Variants in ASXL3 observed in about 807,000 individuals in gnomAD.
ASXL3 encodes the protein putative Polycomb group protein ASXL3.
A neutral mutation model predicts 170.6 loss-of-function variants in ASXL3; 34 were observed. That is an observed-to-expected ratio of 0.20 (90% confidence interval 0.15 to 0.27). The LOEUF (loss-of-function observed/expected upper bound fraction) is 0.27, where lower values mean the gene tolerates loss of function less well. Among genes scored for constraint, ASXL3 ranks in the 10% least tolerant of loss-of-function variants. The probability of loss-of-function intolerance (pLI) is 1.00; values close to 1 mark genes in which losing one functional copy is unlikely to be tolerated. For synonymous variants in ASXL3, 1,002 were observed against 989.1 expected (o/e 1.01, Z -0.24); for missense variants, 2,592 against 2,695.3 (o/e 0.96, Z 0.85).
At chr18:33,689,146 C>T (rs2066646974) in intron 8 of ASXL3, among the ~76,000 whole-genome samples, 2 of 152,050 alleles carry the variant, frequency 1.3e-5, no homozygotes, top group South Asian at 4.1e-4. Context: ...CTGCCTGCCA[C>T]CACATCTGGC....
Position 33,745,118 on chromosome 18 carries a change from A to C in ASXL3, c.5270A>C (p.Asn1757Thr). 6.2e-7 allele frequency: 1 copy of C among 1,614,004 alleles called. No homozygotes were observed. The highest frequency in any genetic ancestry group is 8.5e-7 in the Non-Finnish European group (1 of 1,179,900). The part of the protein sequence containing the change: ...NPLVTQLLQG[N>T]LPLEKVLPQP... ...CTGGTGACGCAGTTACTACAGGGCA[A>C]CCTGCCTTTGGAAAAAGTGTTGCCA... The change falls in exon 12 of 12, where the codon AAC (asparagine) becomes ACC (threonine). Residue 1757 changes from asparagine to threonine, a missense_variant. By Grantham distance (65) the Asn-to-Thr change is moderately conservative. Coordinates refer to ENST00000269197, the MANE Select transcript of ASXL3 (RefSeq NM_030632.3).
At chr18:33,607,022 G>A (rs1237250810) in intron 1 of ASXL3, among the ~76,000 whole-genome samples, 1 of 151,914 alleles carries the variant, frequency 6.6e-6, no homozygotes, top group South Asian at 2.1e-4. Flanking sequence ...AGGCTAAATC[G>A]GAAGAGGAAA....
chr18:33,633,142 A>C (rs1386684649), intron 2 of ASXL3, among the ~76,000 whole-genome samples: 1 of 152,156 alleles, frequency 6.6e-6, no homozygotes, highest in Non-Finnish European at 1.5e-5. Context: ...GATTGATACT[A>C]TCCGTCATTA....
chr18:33,672,549 A>C (rs1033652094), intron 7 of ASXL3, among the ~76,000 whole-genome samples: 6 of 152,212 alleles, frequency 3.9e-5, no homozygotes, highest in African/African-American at 1.4e-4. Context: ...CTCAACTGCC[A>C]CTGGCTTGTT....
At chr18:33,644,613 G>A (rs1348276788) in intron 2 of ASXL3, among the ~76,000 whole-genome samples, 2 of 151,322 alleles carry the variant, frequency 1.3e-5, no homozygotes, top group Non-Finnish European at 3.0e-5. Context: ...TATAGTATTG[G>A]TTACTCTATG....
At chr18:33,656,475 C>A (rs2066086221) in intron 4 of ASXL3, among the ~76,000 whole-genome samples, 1 of 152,062 alleles carries the variant, frequency 6.6e-6, no homozygotes, top group African/African-American at 2.4e-5. Flanking sequence ...TAATAGTACA[C>A]AATATCGGTG....
intron 2 of ASXL3, among the ~76,000 whole-genome samples, chr18:33,620,062 C>T (rs954920797): frequency 2.0e-5 from 3 of 152,104 alleles, no homozygotes; most frequent in Non-Finnish European, 4.4e-5. Context: ...ACTTGTTCAT[C>T]CACTCTCCTA....
intron 1 of ASXL3, among the ~76,000 whole-genome samples, chr18:33,591,405 A>G (rs1288897077): frequency 6.6e-6 from 1 of 152,118 alleles, no homozygotes; most frequent in Non-Finnish European, 1.5e-5. Context: ...ATCCACCAGG[A>G]TCTTTAGTGA....
At chr18:33,715,692 A>G (rs181733942) in intron 8 of ASXL3, among the ~76,000 whole-genome samples, 52 of 152,312 alleles carry the variant, frequency 3.4e-4, no homozygotes, top group African/African-American at 1.2e-3. Flanking sequence ...TTTAAATCAA[A>G]TATCTACAGA....
rs1323958318 is a variant in ASXL3 at position 33,740,269 on chromosome 18, A to T, written c.2865A>T (p.Glu955Asp). ...PSKSPDGIRN[E>D]SRDSEISKRK... ...AGTCACCTGATGGGATAAGAAATGA[A>T]AGTAGAGATTCAGAGATATCAAAGA... The change falls in exon 11 of 12, where the codon GAA becomes GAT. Residue 955 changes from glutamate to aspartate, a missense_variant. By Grantham distance (45) the Glu-to-Asp change is conservative (BLOSUM62 2). Transcript: ENST00000269197. The T allele has an allele frequency of 6.2e-7, 1 of 1,613,140 alleles. No homozygotes were observed. Among genetic ancestry groups the T allele is most frequent in the South Asian group, 1.1e-5 (1 of 90,962 alleles).
chr18:33,672,219 GA>G (rs1228732213), intron 7 of ASXL3, among the ~76,000 whole-genome samples: 2 of 152,054 alleles, frequency 1.3e-5, no homozygotes, highest in African/African-American at 4.8e-5. Flanking sequence ...TGTCTTGGAA[GA>G]AAAAAATGCA....
chr18:33,647,431 CTTG>C (rs1279334213), intron 4 of ASXL3, among the ~76,000 whole-genome samples: 1 of 152,032 alleles, frequency 6.6e-6, no homozygotes, highest in Non-Finnish European at 1.5e-5. Flanking sequence ...TTTCATGTGA[CTTG>C]TTGTCCCTAT....
intron 2 of ASXL3, among the ~76,000 whole-genome samples, chr18:33,612,910 G>A (rs568702412): frequency 1.2e-4 from 19 of 152,044 alleles, no homozygotes; most frequent in Admixed American, 7.9e-4. Context: ...TTTGTGTTGG[G>A]CATTTTAGAA....
intron 8 of ASXL3, among the ~76,000 whole-genome samples, chr18:33,720,092 A>C (rs1020431453): frequency 6.6e-6 from 1 of 152,040 alleles, no homozygotes; most frequent in African/African-American, 2.4e-5. Flanking sequence ...CCAGGCTACA[A>C]GGGGGAATTA....
At chr18:33,667,284 G>C (rs1377260538) in intron 5 of ASXL3, among the ~76,000 whole-genome samples, 1 of 152,090 alleles carries the variant, frequency 6.6e-6, no homozygotes, top group Non-Finnish European at 1.5e-5. Context: ...AAAAAAGAAA[G>C]AGGAAACAAA....
At chr18:33,625,000 T>TA (rs905413188) in intron 2 of ASXL3, among the ~76,000 whole-genome samples, 1 of 152,190 alleles carries the variant, frequency 6.6e-6, no homozygotes, top group African/African-American at 2.4e-5. Flanking sequence ...TGCACATACA[T>TA]ACACTAATGC....
intron 2 of ASXL3, among the ~76,000 whole-genome samples, chr18:33,612,654 TA>T (rs2065354763): frequency 1.3e-5 from 2 of 152,112 alleles, no homozygotes; most frequent in African/African-American, 4.8e-5. Flanking sequence ...TGCATTTCTT[TA>T]GGGGGATAAC....
chr18:33,652,997 G>A (rs55699962), intron 4 of ASXL3, among the ~76,000 whole-genome samples: 7,213 of 152,080 alleles, frequency 0.047, 213 homozygotes, highest in Non-Finnish European at 0.07. Context: ...AGCTCATGAG[G>A]CAATTTTATA....
At chr18:33,736,507 C>G (rs1354208709) in intron 10 of ASXL3, among the ~76,000 whole-genome samples, 1 of 151,944 alleles carries the variant, frequency 6.6e-6, no homozygotes, top group Admixed American at 6.6e-5. Flanking sequence ...ATTCCCCCAC[C>G]ACCAGCCAGT....
Sources: allele counts gnomAD v4.1 joint callset (sites outside exome capture counted in the v4.1 genomes callset), GRCh38; gene constraint gnomAD v4.1.1; transcripts MANE v1.5; gene names NCBI Gene and HGNC (gene_info 2026-07-23, HGNC 2026-07-21).